Variants in ADGRL2 observed in about 807,000 individuals in gnomAD.
The protein encoded by ADGRL2 is calcium-independent alpha-latrotoxin receptor 2.
ADGRL2 carries 44 observed loss-of-function variants against 157.4 expected under a neutral mutation model. The observed-to-expected ratio is 0.28, with a 90% CI of 0.22 to 0.36. ADGRL2 has a LOEUF of 0.36. ADGRL2 is among the 10% of genes least tolerant of loss of function. The pLI is 1.00. For synonymous variants in ADGRL2, 585 were observed against 624.7 expected, an observed-to-expected ratio of 0.94 and a Z score of 0.95; for missense variants, 1,510 against 1,768.9, an observed-to-expected ratio of 0.85 and a Z score of 2.63.
chr1:81,981,247 G>T (rs375792628), intron 18 of ADGRL2: 2 of 201,676 alleles, frequency 9.9e-6, no homozygotes, highest in South Asian at 8.1e-5. Flanking sequence ...TGTTCATGAC[G>T]AAATCTCTCC....
chr1:81,978,788 A>T (rs1299970919), intron 17 of ADGRL2, among the ~76,000 whole-genome samples: 1 of 151,798 alleles, frequency 6.6e-6, no homozygotes. Flanking sequence ...ATGTTACTGT[A>T]ACACTGTTAT....
chr1:81,494,266 G>A (rs2078688566), intron 2 of ADGRL2, among the ~76,000 whole-genome samples: 1 of 152,136 alleles, frequency 6.6e-6, no homozygotes, highest in African/African-American at 2.4e-5. Flanking sequence ...TCCATTCCAT[G>A]TAAACTGAAA....
At chr1:81,983,072 T>C (rs1662119353) in intron 19 of ADGRL2, among the ~76,000 whole-genome samples, 1 of 152,012 alleles carries the variant, frequency 6.6e-6, no homozygotes, top group Admixed American at 6.6e-5. Flanking sequence ...TTATTGTATG[T>C]TCATAATTTT....
chr1:81,431,593 C>T (rs1277388291), intron 1 of ADGRL2, among the ~76,000 whole-genome samples: 4 of 152,178 alleles, frequency 2.6e-5, no homozygotes, highest in Admixed American at 6.5e-5. Context: ...AACCACATTC[C>T]GCTGTAAACA....
intron 3 of ADGRL2, among the ~76,000 whole-genome samples, chr1:81,583,869 T>C (rs1177759890): frequency 1.4e-5 from 2 of 145,712 alleles, no homozygotes; most frequent in African/African-American, 2.4e-5. Flanking sequence ...ATCAAGTTAT[T>C]CTCTTAACTT....
intron 3 of ADGRL2, among the ~76,000 whole-genome samples, chr1:81,655,213 G>T (rs1419261957): frequency 1.3e-5 from 2 of 152,108 alleles, no homozygotes; most frequent in Non-Finnish European, 2.9e-5. Flanking sequence ...TGTTAGCCAG[G>T]ATGATCTCGA....
At chr1:81,516,363 T>C (rs1265340253) in intron 2 of ADGRL2, among the ~76,000 whole-genome samples, 1 of 152,082 alleles carries the variant, frequency 6.6e-6, no homozygotes, top group African/African-American at 2.4e-5. Flanking sequence ...AGAAAGACAA[T>C]TATGCTGAAA....
In ADGRL2 at chr1:81,943,763, G is replaced by A. The variant is rs763820650; in HGVS notation, c.1204G>A (p.Ala402Thr). The A allele has an allele frequency of 1.4e-5, 22 of 1,611,268 alleles. No individual in the cohort carries two copies. The East Asian group carries it at 4.7e-4, about 34-fold the overall frequency. ...TCTGGAGTTTGGTCCACCTGATCCT[G>A]CCCAAGGTAAGCGTGTTTACTTGCT... ...YSLEFGPPDP[A>T]QVPTTAVTIT... The change falls in exon 6 of 24, where the codon GCC becomes ACC. Residue 402 changes from alanine (A) to threonine (T), a missense_variant. Ala to Thr is a moderately conservative substitution (Grantham distance 58, BLOSUM62 0). Around this residue, in one of 4 missense-constraint regions of ADGRL2, gnomAD observed 361 missense variants for 498.4 expected, o/e 0.72. Coordinates refer to ENST00000686636, the MANE Select transcript of ADGRL2 (RefSeq NM_001366006.2). The surrounding 1 kb of genome is among the most constrained non-coding windows in gnomAD (Gnocchi z 5.6).
chr1:81,632,765 A>AG (rs1272546139), intron 3 of ADGRL2, among the ~76,000 whole-genome samples: 1 of 151,988 alleles, frequency 6.6e-6, no homozygotes, highest in Non-Finnish European at 1.5e-5. Context: ...AAAAAAAAAA[A>AG]AAAAGTCATT....
chr1:81,741,282 G>A (rs180807097), intron 1 of ADGRL2, among the ~76,000 whole-genome samples: 1 of 152,078 alleles, frequency 6.6e-6, no homozygotes, highest in African/African-American at 2.4e-5. Flanking sequence ...ATAATTTTAT[G>A]ATTTCCTATG....
chr1:81,984,531 G>T, intron 19 of ADGRL2, 52 bp from the exon 20 acceptor site: 1 of 1,426,240 alleles, frequency 7.0e-7, no homozygotes. Flanking sequence ...ATTAGAGAGA[G>T]AGAAGCAAGT....
At chr1:81,887,652 A>G (rs1406800714) in intron 2 of ADGRL2, among the ~76,000 whole-genome samples, 1 of 152,240 alleles carries the variant, frequency 6.6e-6, no homozygotes, top group African/African-American at 2.4e-5. Flanking sequence ...AATTTTAAAC[A>G]TGTAGCTCTT....
At chr1:81,615,170 G>A (rs545861348) in intron 3 of ADGRL2, among the ~76,000 whole-genome samples, 9 of 152,252 alleles carry the variant, frequency 5.9e-5, no homozygotes, top group Non-Finnish European at 1.0e-4. Flanking sequence ...TCTAGCTAAA[G>A]GATTGTAAAT....
rs1303080322 is a variant in ADGRL2, at chr1:81,601,220, G to T, written c.-143+20240G>T. On this transcript the variant is annotated intron_variant, in intron 3 of 24. Transcript: ENST00000370721. ...TTTCCCCCAACATGGGTAATAAATT[G>T]TGTGGGCTTTAATAATTTATAGGAG... Among the ~76,000 whole-genome samples, 3 of 152,322 alleles carry T rather than the reference G, an allele frequency of 2.0e-5. No homozygotes were observed. In the South Asian group the frequency reaches 6.2e-4, roughly 32 times the overall value.
chr1:81,701,921 G>C (rs2083587124), intron 1 of ADGRL2, among the ~76,000 whole-genome samples: 1 of 152,142 alleles, frequency 6.6e-6, no homozygotes, highest in African/African-American at 2.4e-5. Flanking sequence ...CATTACCTTG[G>C]GGGAAAGCCC....
chr1:81,406,549 G>A (rs1227430233), intron 1 of ADGRL2, among the ~76,000 whole-genome samples: 2 of 152,174 alleles, frequency 1.3e-5, no homozygotes, highest in South Asian at 2.1e-4. Flanking sequence ...TCAGAGAAAC[G>A]CAGCCATCCA....
At chr1:81,437,379 C>G (rs985722641) in intron 1 of ADGRL2, among the ~76,000 whole-genome samples, 5 of 151,936 alleles carry the variant, frequency 3.3e-5, no homozygotes, top group African/African-American at 1.2e-4. Flanking sequence ...AGTCTTCAGG[C>G]AGATTAGATT....
chr1:81,311,013 T>C (rs984008199), intron 1 of ADGRL2, among the ~76,000 whole-genome samples: 1 of 152,102 alleles, frequency 6.6e-6, no homozygotes, highest in African/African-American at 2.4e-5. Context: ...GCTCCCTATC[T>C]AAAAAGATGT....
At chr1:81,903,699 AAT>A (rs533695232) in intron 2 of ADGRL2, among the ~76,000 whole-genome samples, 3 of 144,314 alleles carry the variant, frequency 2.1e-5, no homozygotes, top group South Asian at 2.2e-4. Context: ...TTTTTTAAAG[AAT>A]ATATATATAT....
Sources: gnomAD v4.1 joint callset for allele counts (sites outside exome capture counted in the v4.1 genomes callset) on GRCh38, gnomAD v4.1.1 for gene constraint, gnomAD v4.1.1 regional missense constraint, Gnocchi (gnomAD v3.1) non-coding constraint, MANE v1.5 for transcripts, NCBI Gene and HGNC (gene_info 2026-07-23, HGNC 2026-07-21) for gene names.